The following PRKCB variants were observed in gnomAD, a reference collection of about 807,000 sequenced individuals.
PRKCB encodes the protein protein kinase C beta, also known as protein kinase C beta type.
Under a neutral mutation model 81.5 loss-of-function variants are expected in PRKCB, and 13 were observed. That is an observed-to-expected ratio of 0.16 (90% CI 0.10 to 0.25). PRKCB has a LOEUF of 0.25. Among genes scored for constraint, PRKCB ranks in the 10% least tolerant of loss-of-function variants. The pLI, the probability that PRKCB is intolerant of heterozygous loss-of-function variation, is 1.00. For missense variants in PRKCB, 509 were observed against 875.7 expected (o/e 0.58, Z 5.29); for synonymous variants, 335 against 321.4 (o/e 1.04, Z -0.45).
chr16:24,025,700 A>G (rs973901982), intron 3 of PRKCB, among the ~76,000 whole-genome samples: 2 of 152,228 alleles, frequency 1.3e-5, no homozygotes, highest in African/African-American at 4.8e-5. Context: ...ATGCCTAGGA[A>G]GAACTTGACC....
intron 2 of PRKCB, among the ~76,000 whole-genome samples, chr16:23,988,026 A>T (rs767464219): frequency 6.6e-6 from 1 of 152,174 alleles, no homozygotes; most frequent in African/African-American, 2.4e-5. Flanking sequence ...TTTTGGTGAG[A>T]TGGGGCATGA....
chr16:23,919,655 A>G lies in PRKCB; in HGVS notation c.206-68853A>G, dbSNP rs148442937. Among the ~76,000 whole-genome samples, 178 of 152,310 alleles carry G rather than the reference A, an allele frequency of 1.2e-3. 2 individuals carry two copies. The East Asian group carries it at 0.027, about 23-fold the overall frequency. ...TATCATTTCTCAAACTCAAAACTCA[A>G]CAATTCTCCATTCCCTCTTCCTCCA... On this transcript the variant is annotated intron_variant, in intron 2 of 16. Transcript: ENST00000643927.
intron 2 of PRKCB, among the ~76,000 whole-genome samples, chr16:23,983,539 T>C (rs181607797): frequency 2.4e-4 from 36 of 152,290 alleles, no homozygotes; most frequent in Admixed American, 6.5e-4. Flanking sequence ...TGAAGTTGGT[T>C]ATGTTTTCTC....
intron 16 of PRKCB, among the ~76,000 whole-genome samples, chr16:24,203,596 C>T (rs1446967909): frequency 1.3e-5 from 2 of 152,134 alleles, no homozygotes; most frequent in Non-Finnish European, 2.9e-5. Context: ...CACAGCCACT[C>T]CCAATAGAAA....
intron 7 of PRKCB, among the ~76,000 whole-genome samples, chr16:24,096,666 A>AAAAAAAAAAAATATATATATATAT (rs1406204037): frequency 6.1e-5 from 2 of 32,700 alleles, no homozygotes; most frequent in Admixed American, 4.4e-4. Context: ...AAAAAAAAAA[A>AAAAAAAAAAAATATATATATATAT]ATATATATAT....
At chr16:24,017,122 C>T (rs188247277) in intron 3 of PRKCB, among the ~76,000 whole-genome samples, 37 of 152,180 alleles carry the variant, frequency 2.4e-4, no homozygotes, top group African/African-American at 7.7e-4. Flanking sequence ...AAGGTGTGTG[C>T]CTCTAGATAC....
At position 24,163,472 on chromosome 16, in the gene PRKCB, G is replaced by A. The variant is rs528281302; in HGVS notation, c.1239+8615G>A. Among the ~76,000 whole-genome samples, 3 of 152,306 alleles carry A rather than the reference G, an allele frequency of 2.0e-5. No homozygotes were observed. In the East Asian group the frequency reaches 5.8e-4, roughly 29 times the overall value. ...GAATAGACACAGCCTTATGCTCTCT[G>A]TTTTCTTGATGGTGGCCTTTGCATA... On this transcript the variant is annotated intron_variant, in intron 10 of 16. Coordinates refer to ENST00000643927, the MANE Select transcript of PRKCB (RefSeq NM_002738.7).
intron 2 of PRKCB, among the ~76,000 whole-genome samples, chr16:23,901,776 G>A (rs1397930562): frequency 2.0e-5 from 3 of 152,130 alleles, no homozygotes; most frequent in Non-Finnish European, 2.9e-5. Context: ...CCAAAAATTC[G>A]AGTGGTCAAG....
intron 5 of PRKCB, among the ~76,000 whole-genome samples, chr16:24,047,620 A>C (rs977555477): frequency 1.3e-5 from 2 of 152,122 alleles, no homozygotes; most frequent in African/African-American, 4.8e-5. Flanking sequence ...CCCTGGGTCC[A>C]TCTGTCTGGC....
In PRKCB at chr16:24,013,929, G is replaced by A. The variant is rs1965240311; in HGVS notation, c.289-18207G>A. ...CAGAGCCTGCCTGGACTTGCTGTGTGCAGAGTCCCCGGTGCAGATGGCCAC... is the reference window on the plus strand; with the variant it reads ...CAGAGCCTGCCTGGACTTGCTGTGTACAGAGTCCCCGGTGCAGATGGCCAC... On this transcript the variant is annotated intron_variant, in intron 3 of 16. Coordinates refer to ENST00000643927, the MANE Select transcript of PRKCB (RefSeq NM_002738.7). Among the ~76,000 whole-genome samples the A allele has an allele frequency of 2.6e-5, 4 of 152,176 alleles. No individual in the cohort carries two copies. The South Asian group carries it at 8.3e-4, about 31-fold the overall frequency.
At chr16:24,174,280 A>G in intron 11 of PRKCB, 1 of 493,790 alleles carries the variant, frequency 2.0e-6, no homozygotes, top group Middle Eastern at 5.5e-4. Flanking sequence ...CCCCTTCTCC[A>G]CTATACAATT....
chr16:23,964,500 C>T (rs545693444), intron 2 of PRKCB, among the ~76,000 whole-genome samples: 3 of 152,206 alleles, frequency 2.0e-5, no homozygotes, highest in Non-Finnish European at 2.9e-5. Flanking sequence ...AGAACATTGC[C>T]TGGCTCTTGG....
At chr16:24,096,695 A>G (rs1488279969) in intron 7 of PRKCB, among the ~76,000 whole-genome samples, 1 of 105,886 alleles carries the variant, frequency 9.4e-6, no homozygotes, top group Non-Finnish European at 1.9e-5. Flanking sequence ...ATATATATAT[A>G]TATATATATA....
At chr16:24,203,112 C>A (rs1160714815) in intron 16 of PRKCB, 1 of 152,012 alleles carries the variant, frequency 6.6e-6, no homozygotes, top group Non-Finnish European at 1.5e-5. Context: ...CCTGTAGTCC[C>A]AGCTACTTGG....
intron 7 of PRKCB, chr16:24,099,447 C>T (rs1966477831): frequency 6.6e-6 from 1 of 152,094 alleles, no homozygotes; most frequent in Non-Finnish European, 1.5e-5. Context: ...AACACAAACC[C>T]AAGAAGCTTT....
rs374494780 is a variant in PRKCB at position 24,034,969 on chromosome 16, T to C, written c.401-450T>C. Among the ~76,000 whole-genome samples, 18 of 152,312 alleles carry C rather than the reference T, an allele frequency of 1.2e-4. 4 individuals carry two copies. The highest frequency in any genetic ancestry group is 3.3e-4 in the Admixed American group (5 of 15,300). On this transcript the variant is annotated intron_variant, in intron 4 of 16. Coordinates refer to ENST00000643927, the MANE Select transcript of PRKCB (RefSeq NM_002738.7). The stretch of plus-strand genomic sequence containing the variant: ...CCTATTAGCTGTTAATATTTAAAAA[T>C]CAGAGCTGTCACGTACACATCGAGA...
chr16:23,970,856 A>G (rs2141801944), intron 2 of PRKCB, among the ~76,000 whole-genome samples: 1 of 152,272 alleles, frequency 6.6e-6, no homozygotes. Context: ...GCTTATCCAT[A>G]ATGACACAGG....
At chr16:24,083,164 AATG>A (rs1243103128) in intron 5 of PRKCB, among the ~76,000 whole-genome samples, 2 of 152,154 alleles carry the variant, frequency 1.3e-5, no homozygotes, top group Non-Finnish European at 2.9e-5. Context: ...TGGCTAAAAT[AATG>A]ATGATAATGA....
intron 10 of PRKCB, among the ~76,000 whole-genome samples, chr16:24,165,256 A>G (rs198206): frequency 0.38 from 57,730 of 151,998 alleles, 11,564 homozygotes; most frequent in African/African-American, 0.51. Flanking sequence ...GCCCAGGCTG[A>G]CCTGGAACTT....
Sources: allele counts gnomAD v4.1 joint callset (sites outside exome capture counted in the v4.1 genomes callset), GRCh38; gene constraint gnomAD v4.1.1; transcripts MANE v1.5; gene names NCBI Gene and HGNC (gene_info 2026-07-23, HGNC 2026-07-21).